Variants in RNF13 observed in about 807,000 individuals in gnomAD.
RNF13 encodes the protein E3 ubiquitin-protein ligase RNF13.
In RNF13, 19 loss-of-function variants were observed where a neutral mutation model predicts 37.7. The observed-to-expected ratio is 0.50, with a 90% CI of 0.35 to 0.74. The LOEUF (loss-of-function observed/expected upper bound fraction) is 0.74, where lower values mean the gene tolerates loss of function less well. Ranked by LOEUF, RNF13 falls within the 30% of genes least tolerant of loss-of-function variation. The pLI is 0.01. For missense variants in RNF13, 375 were observed against 453.0 expected (o/e 0.83, Z 1.56); for synonymous variants, 144 against 157.8 (o/e 0.91, Z 0.65).
chr3:149,858,019 G>A lies in RNF13; in HGVS notation c.195+5423G>A, dbSNP rs116814951. On this transcript the variant is annotated intron_variant, in intron 3 of 9. Transcript: ENST00000392894. ...CTGGCTAGATGGAATTAGTTCCAAC[G>A]GAATAGGTTAGTTCCCTCAAGAGTG... 4.0e-3 allele frequency among the ~76,000 whole-genome samples: 610 copies of A among 152,228 alleles called. 2 individuals carry two copies. Among genetic ancestry groups the A allele is most frequent in the African/African-American group, 0.014 (578 of 41,540 alleles).
intron 4 of RNF13, among the ~76,000 whole-genome samples, chr3:149,879,100 A>G (rs1189474373): frequency 6.6e-6 from 1 of 152,160 alleles, no homozygotes; most frequent in Non-Finnish European, 1.5e-5. Flanking sequence ...TATCTGTATT[A>G]TGCTATTTTC....
intron 8 of RNF13, among the ~76,000 whole-genome samples, chr3:149,954,578 A>G (rs954144484): frequency 6.6e-6 from 1 of 152,250 alleles, no homozygotes; most frequent in Non-Finnish European, 1.5e-5. Context: ...CTTGTAATAC[A>G]ATTCACAGAA....
At chr3:149,818,651 G>A (rs1474601875) in intron 1 of RNF13, among the ~76,000 whole-genome samples, 3 of 152,162 alleles carry the variant, frequency 2.0e-5, no homozygotes, top group South Asian at 2.1e-4. Context: ...TGTGGCTCAT[G>A]TCTGTAATCC....
In RNF13 at chr3:149,872,670, T is replaced by C. The variant is rs562210104; in HGVS notation, c.321+516T>C. Among the ~76,000 whole-genome samples, 100 of 152,364 alleles carry C rather than the reference T, an allele frequency of 6.6e-4. 2 individuals carry two copies. Among genetic ancestry groups the C allele is most frequent in the Admixed American group, 5.4e-3 (83 of 15,304 alleles). ...GATTGGCATTGGCAAAGGAGCCACA[T>C]TGAGGCCTATGTAAAATAAACCTTG... On this transcript the variant is annotated intron_variant, in intron 4 of 9. Coordinates refer to ENST00000392894, the MANE Select transcript of RNF13 (RefSeq NM_183381.3).
At chr3:149,842,491 G>A (rs994138224) in intron 1 of RNF13, among the ~76,000 whole-genome samples, 1 of 152,072 alleles carries the variant, frequency 6.6e-6, no homozygotes, top group Non-Finnish European at 1.5e-5. Flanking sequence ...AATTTTTGTA[G>A]TTTAAATATT....
intron 1 of RNF13, among the ~76,000 whole-genome samples, chr3:149,843,146 A>G (rs933613455): frequency 2.0e-5 from 3 of 152,214 alleles, no homozygotes; most frequent in Non-Finnish European, 2.9e-5. Context: ...ACAATACAGC[A>G]TAACCACTAT....
chr3:149,869,167 C>T (rs1293329985), intron 3 of RNF13, among the ~76,000 whole-genome samples: 1 of 151,694 alleles, frequency 6.6e-6, no homozygotes, highest in Admixed American at 6.6e-5. Flanking sequence ...ATGTATTTCT[C>T]AGTTCCAAAA....
At chr3:149,879,833 A>C (rs1713175453) in intron 4 of RNF13, among the ~76,000 whole-genome samples, 2 of 152,210 alleles carry the variant, frequency 1.3e-5, no homozygotes, top group African/African-American at 2.4e-5. Flanking sequence ...GTAAGGCCAG[A>C]ACAAATTCTA....
At position 149,838,140 on chromosome 3, in the gene RNF13, G is replaced by A. The variant is rs1451533327; in HGVS notation, c.-16-7871G>A. 5.3e-5 allele frequency among the ~76,000 whole-genome samples: 8 copies of A among 152,350 alleles called. 1 individual carries two copies. In the South Asian group the frequency reaches 1.7e-3, roughly 32 times the overall value. ...CAGGTCACGCTGATGCAAGAGGTAG[G>A]TTCCTATGGTCTTGGGCAGCTCCTC... On this transcript the variant is annotated intron_variant, in intron 1 of 9. Coordinates refer to ENST00000392894, the MANE Select transcript of RNF13 (RefSeq NM_183381.3).
chr3:149,826,316 G>A (rs1192662279), intron 1 of RNF13, among the ~76,000 whole-genome samples: 3 of 152,210 alleles, frequency 2.0e-5, no homozygotes, highest in Admixed American at 2.0e-4. Context: ...AATAATAACT[G>A]TAAGGACTAT....
rs373104345 is a variant in RNF13, at chr3:149,881,890, A to G, written c.321+9736A>G. ...GAAGGAAACATGCCTTTGTACCACC[A>G]TTATGAATGTTGCTAAGCTTCAGCG... On this transcript the variant is annotated intron_variant, in intron 4 of 9. Transcript: ENST00000392894. Among the ~76,000 whole-genome samples the G allele has an allele frequency of 1.9e-4, 29 of 152,228 alleles. 1 individual carries two copies. Among genetic ancestry groups the G allele is most frequent in the Admixed American group, 1.2e-3 (19 of 15,274 alleles).
At chr3:149,827,850 C>T (rs971271814) in intron 1 of RNF13, among the ~76,000 whole-genome samples, 6 of 151,928 alleles carry the variant, frequency 3.9e-5, no homozygotes, top group Admixed American at 6.6e-5. Flanking sequence ...TGGCTCATGC[C>T]TGTTATCCTA....
intron 2 of RNF13, among the ~76,000 whole-genome samples, chr3:149,849,743 T>C (rs1722961957): frequency 6.6e-6 from 1 of 152,206 alleles, no homozygotes; most frequent in Admixed American, 6.5e-5. Context: ...GTAGAGTTGT[T>C]GTTAGGATTA....
At chr3:149,856,405 A>G (rs1723654846) in intron 3 of RNF13, among the ~76,000 whole-genome samples, 1 of 152,128 alleles carries the variant, frequency 6.6e-6, no homozygotes, top group South Asian at 2.1e-4. Context: ...ACTAATTTAA[A>G]GATATAATAT....
chr3:149,881,410 A>G (rs1181883623), intron 4 of RNF13, among the ~76,000 whole-genome samples: 1 of 152,150 alleles, frequency 6.6e-6, no homozygotes, highest in African/African-American at 2.4e-5. Context: ...AGCTCACTGC[A>G]ACCTCCACCT....
chr3:149,859,500 C>T lies in RNF13; in HGVS notation c.195+6904C>T, dbSNP rs182707152. On this transcript the variant is annotated intron_variant, in intron 3 of 9. Coordinates refer to ENST00000392894, the MANE Select transcript of RNF13 (RefSeq NM_183381.3). ...TTAGAGAAGAGGGGAGATAAAGACA[C>T]ACACACACAGAGGAAGTCAAAGGAG... is the stretch of plus-strand genomic sequence containing the variant. Among the ~76,000 whole-genome samples, 501 of 144,466 alleles carry T rather than the reference C, an allele frequency of 3.5e-3. 7 individuals carry two copies. The highest frequency in any genetic ancestry group is 0.013 in the African/African-American group (439 of 34,284). The allele number at this position is 144,466 out of a possible 152,430, so 94.8% of individuals were successfully genotyped here. A position where few individuals can be genotyped will look rare whatever the true frequency, so the allele number is the denominator to read the frequency against.
chr3:149,914,726 GCCT>G (rs373407486), intron 7 of RNF13, among the ~76,000 whole-genome samples: 4,541 of 152,082 alleles, frequency 0.03, 83 homozygotes, highest in South Asian at 0.037. Context: ...CCTGAGGTCA[GCCT>G]GAGTTCAAGA....
At chr3:149,839,683 C>G (rs978229862) in intron 1 of RNF13, among the ~76,000 whole-genome samples, 2 of 152,192 alleles carry the variant, frequency 1.3e-5, no homozygotes, top group African/African-American at 4.8e-5. Context: ...TCCCACAACA[C>G]CTGGGAATTC....
chr3:149,935,662 A>G (rs185095755), intron 8 of RNF13, among the ~76,000 whole-genome samples: 6 of 152,318 alleles, frequency 3.9e-5, no homozygotes, highest in Admixed American at 3.3e-4. Flanking sequence ...AAAACTTTAC[A>G]TCGTAATTTC....
Sources: allele counts gnomAD v4.1 joint callset (sites outside exome capture counted in the v4.1 genomes callset), GRCh38; gene constraint gnomAD v4.1.1; transcripts MANE v1.5; gene names NCBI Gene and HGNC (gene_info 2026-07-23, HGNC 2026-07-21).